The following BIRC6 variants were observed in gnomAD, a reference collection of about 807,000 sequenced individuals.
BIRC6 encodes dual E2 ubiquitin-conjugating enzyme/E3 ubiquitin-protein ligase BIRC6.
Under a neutral mutation model 503.3 loss-of-function variants are expected in BIRC6, and 98 were observed. That is an observed-to-expected ratio of 0.19 (90% CI 0.17 to 0.23). BIRC6 has a LOEUF of 0.23. Ranked by LOEUF, BIRC6 falls within the 10% of genes least tolerant of loss-of-function variation. The pLI is 1.00. For missense variants in BIRC6, 5,360 were observed against 5,806.0 expected (o/e 0.92, Z 2.50); for synonymous variants, 2,240 against 2,078.7 (o/e 1.08, Z -2.11).
At chr2:32,513,711 C>G (rs62136323) in intron 54 of BIRC6, among the ~76,000 whole-genome samples, 2 of 152,154 alleles carry the variant, frequency 1.3e-5, no homozygotes, top group Non-Finnish European at 2.9e-5. Context: ...GAGTTCGAGA[C>G]CAGCCTGGCC....
At chr2:32,594,923 A>G (rs1470544050) in intron 67 of BIRC6, 111 bp from the exon 68 acceptor site, 15 of 610,986 alleles carry the variant, frequency 2.5e-5, no homozygotes, top group East Asian at 3.3e-5. Context: ...GAAGTTGACA[A>G]TTTTTTGGAA....
intron 65 of BIRC6, among the ~76,000 whole-genome samples, chr2:32,574,399 C>T (rs569495827): frequency 3.3e-5 from 5 of 151,914 alleles, no homozygotes; most frequent in Non-Finnish European, 5.9e-5. Context: ...ATTATGGGCG[C>T]GAATCACAGT....
chr2:32,423,735 A>G (rs2043182696), intron 10 of BIRC6, among the ~76,000 whole-genome samples: 1 of 151,302 alleles, frequency 6.6e-6, no homozygotes, highest in Non-Finnish European at 1.5e-5. Context: ...TTTGGTCTGG[A>G]AATATTAAAT....
Position 32,501,938 on chromosome 2 carries a change from A to T in BIRC6, c.9207+50A>T, listed in dbSNP as rs770632077. 8.0e-6 allele frequency: 12 copies of T among 1,491,068 alleles called. No individual in the cohort carries two copies. In the Admixed American group the frequency reaches 2.2e-4, roughly 27 times the overall value. 92.4% of individuals were successfully genotyped at this position (1,491,068 alleles called of 1,614,324 possible). ...CAGTGATTCAAATAAATTTATTGCG[A>T]TGTAAGTGGAAAATTACAGGACAAA... On this transcript the variant is annotated intron_variant, in intron 47 of 73. Coordinates refer to ENST00000421745, the MANE Select transcript of BIRC6 (RefSeq NM_016252.4).
chr2:32,562,837 C>G (rs533735152), intron 65 of BIRC6, among the ~76,000 whole-genome samples: 1 of 152,140 alleles, frequency 6.6e-6, no homozygotes, highest in Non-Finnish European at 1.5e-5. Flanking sequence ...ATTCATTCAC[C>G]TTTTGAAGAA....
chr2:32,576,064 A>G lies in BIRC6; in HGVS notation c.13355+698A>G, dbSNP rs143931628. Among the ~76,000 whole-genome samples, 423 of 152,342 alleles carry G rather than the reference A, an allele frequency of 2.8e-3. 1 individual carries two copies. Among genetic ancestry groups the G allele is most frequent in the African/African-American group, 9.5e-3 (394 of 41,592 alleles). ...ATACTTCAAATTCACCTTTGTATTT[A>G]GGTGCTATATTTTATTTAACTATTT... On this transcript the variant is annotated intron_variant, in intron 66 of 73. Coordinates refer to ENST00000421745, the MANE Select transcript of BIRC6 (RefSeq NM_016252.4).
intron 3 of BIRC6, among the ~76,000 whole-genome samples, chr2:32,387,255 T>G (rs1433525241): frequency 6.6e-6 from 1 of 152,046 alleles, no homozygotes; most frequent in East Asian, 1.9e-4. Context: ...TAAAAAGCTC[T>G]GATCTGTGAA....
At chr2:32,501,634 G>A in intron 46 of BIRC6, 79 bp from the exon 47 acceptor site, 2 of 1,242,444 alleles carry the variant, frequency 1.6e-6, no homozygotes, top group Non-Finnish European at 2.2e-6. Context: ...GCCTCCCAAA[G>A]TGTTGAGATT....
chr2:32,438,659 A>C (rs1403889608), intron 15 of BIRC6, among the ~76,000 whole-genome samples: 2 of 148,410 alleles, frequency 1.3e-5, no homozygotes, highest in African/African-American at 5.0e-5. Flanking sequence ...TCCTGGGTTC[A>C]CGCCATTCTC....
chr2:32,585,678 C>T (rs2060977814), intron 66 of BIRC6, among the ~76,000 whole-genome samples: 1 of 152,208 alleles, frequency 6.6e-6, no homozygotes, highest in African/African-American at 2.4e-5. Context: ...CCGTGCCCAG[C>T]CGATTAGTAC....
At chr2:32,441,949 A>C in intron 17 of BIRC6, 116 bp from the exon 18 acceptor site, 1 of 753,160 alleles carries the variant, frequency 1.3e-6, no homozygotes, top group Non-Finnish European at 2.0e-6. Context: ...GATTGTTTTT[A>C]AATGTACTTG....
chr2:32,543,548 G>GT lies in BIRC6; in HGVS notation c.12592+10dup. On this transcript the variant is annotated splice_region_variant and intron_variant, in intron 62 of 73. Transcript: ENST00000421745. ...ACAGATGATGGAGAAGGAAGTAAGTGTTTAGTATTAAATTTATCAACACAT... is the reference window on the plus strand; with the variant it reads ...ACAGATGATGGAGAAGGAAGTAAGTGTTTTAGTATTAAATTTATCAACACAT... 1 of 1,610,796 alleles carries GT rather than the reference G, an allele frequency of 6.2e-7. No homozygotes were observed. Among genetic ancestry groups the GT allele is most frequent in the Non-Finnish European group, 8.5e-7 (1 of 1,179,322 alleles).
At chr2:32,503,421 T>C (rs1221902115) in intron 49 of BIRC6, among the ~76,000 whole-genome samples, 185 bp downstream of exon 49, 1 of 151,768 alleles carries the variant, frequency 6.6e-6, no homozygotes, top group Non-Finnish European at 1.5e-5. Context: ...TGTTTGTTTG[T>C]TTGTTTGTTT....
At position 32,388,881 on chromosome 2, in the gene BIRC6, G is replaced by A. The variant is rs759729376; in HGVS notation, c.777G>A (p.Leu259=). 1.1e-5 allele frequency: 17 copies of A among 1,612,108 alleles called. No individual in the cohort carries two copies. The highest frequency in any genetic ancestry group is 1.4e-5 in the Non-Finnish European group (17 of 1,179,348). Reference sequence around the variant, plus strand: ...TGGCGTCCTCAGTGATGGACAGATTGTCTTACCTCTTACCTAGTGCACGTC... The same window carrying A: ...TGGCGTCCTCAGTGATGGACAGATTATCTTACCTCTTACCTAGTGCACGTC... ...LPVASSVMDR[L]SYLLPSARPE... is the part of the protein sequence containing the mutation. The change falls in exon 4 of 74, where the codon TTG becomes TTA. Residue 259 remains leucine (L), a synonymous_variant. Transcript: ENST00000421745.
At chr2:32,424,583 C>T (rs942821973) in intron 10 of BIRC6, among the ~76,000 whole-genome samples, 2 of 151,406 alleles carry the variant, frequency 1.3e-5, no homozygotes, top group Non-Finnish European at 2.9e-5. Context: ...GACGCGATCT[C>T]GGCTCACTGC....
chr2:32,481,921 T>C (rs2050447367), intron 38 of BIRC6, among the ~76,000 whole-genome samples: 1 of 152,212 alleles, frequency 6.6e-6, no homozygotes, highest in African/African-American at 2.4e-5. Flanking sequence ...GGTACTACTA[T>C]TGTAGTTTAA....
At chr2:32,616,560 C>CAAAAAAAAAA (rs201587938) in intron 73 of BIRC6, among the ~76,000 whole-genome samples, 1 of 99,124 alleles carries the variant, frequency 1.0e-5, no homozygotes, top group Non-Finnish European at 2.0e-5. Context: ...ACCTTGTTCT[C>CAAAAAAAAAA]AAAAAAAAAA....
In BIRC6 at chr2:32,529,906, TTG is replaced by T. The variant is rs2149993824; in HGVS notation, c.12094+86_12094+87del. 4 of 933,848 alleles carry T rather than the reference TTG, an allele frequency of 4.3e-6. No homozygotes were observed. In the African/African-American group the frequency reaches 6.9e-5, roughly 16 times the overall value. The allele number at this position is 933,848 out of a possible 1,614,324, so 57.8% of individuals were successfully genotyped here. A position where few individuals can be genotyped will look rare whatever the true frequency, so the allele number is the denominator to read the frequency against. The stretch of plus-strand genomic sequence containing the variant: ...TTCTATAGCTAATGACTTAATTGAC[TTG>T]TGTTTTTATTATATCAACATAAGAT... On this transcript the variant is annotated intron_variant, in intron 60 of 73. Coordinates refer to ENST00000421745, the MANE Select transcript of BIRC6 (RefSeq NM_016252.4).
intron 52 of BIRC6, among the ~76,000 whole-genome samples, 191 bp downstream of exon 52, chr2:32,510,185 A>T (rs892770152): frequency 6.6e-6 from 1 of 152,018 alleles, no homozygotes; most frequent in African/African-American, 2.4e-5. Context: ...ATCTTGGCTC[A>T]CTACAACCTC....
Sources: allele counts gnomAD v4.1 joint callset (sites outside exome capture counted in the v4.1 genomes callset), GRCh38; gene constraint gnomAD v4.1.1; transcripts MANE v1.5; gene names NCBI Gene and HGNC (gene_info 2026-07-23, HGNC 2026-07-21).